Variants in TKT observed in about 807,000 individuals in gnomAD.
The protein encoded by TKT is epididymis luminal protein 107.
Under a neutral mutation model 63.9 loss-of-function variants are expected in TKT, and 47 were observed. The ratio of observed to expected loss-of-function variants is 0.74; its 90% CI spans 0.58 to 0.94. The LOEUF (loss-of-function observed/expected upper bound fraction) is 0.94. TKT is among the 40% of genes least tolerant of loss of function. The pLI is 0.00. For missense variants in TKT, 721 were observed against 846.2 expected (o/e 0.85, Z 1.84); for synonymous variants, 338 against 334.1 (o/e 1.01, Z -0.13).
At chr3:53,228,548 C>A in intron 10 of TKT, 189 bp from the exon 11 acceptor site, 1 of 619,422 alleles carries the variant, frequency 1.6e-6, no homozygotes, top group Non-Finnish European at 2.8e-6. Context: ...GAGAACTGCC[C>A]ACCACCTTGC....
chr3:53,254,501 G>A (rs1220538252), intron 1 of TKT, among the ~76,000 whole-genome samples: 3 of 152,224 alleles, frequency 2.0e-5, no homozygotes, highest in African/African-American at 7.2e-5. Flanking sequence ...ACCCAGAAAG[G>A]TGAACAGATT....
Position 53,233,229 on chromosome 3 carries a change from G to A in TKT, c.675C>T (p.Cys225=). 2 of 1,613,830 alleles carry A rather than the reference G, an allele frequency of 1.2e-6. No individual in the cohort carries two copies. Among genetic ancestry groups the A allele is most frequent in the Non-Finnish European group, 1.7e-6 (2 of 1,179,898 alleles). Residue 225 remains cysteine, a synonymous_variant, in exon 6 of 14, where the codon TGC becomes TGT. Coordinates refer to ENST00000462138, the MANE Select transcript of TKT (RefSeq NM_001064.4). The stretch of plus-strand genomic sequence containing the variant: ...GGTGCTTGGCCTGGCCAAAGGCCTT[G>A]CACAGCTCCTCCACGCTGTGTCCAT... ...IVDGHSVEEL[C]KAFGQAKHQP...
chr3:53,231,200 T>C, intron 7 of TKT, 157 bp downstream of exon 7: 1 of 819,912 alleles, frequency 1.2e-6, no homozygotes, highest in Non-Finnish European at 1.9e-6. Flanking sequence ...ATGTCTGTCA[T>C]TCTGAGGGAA....
rs566754759 is a variant in TKT, at chr3:53,241,254, A to T, written c.226-9T>A. 1 of 1,594,248 alleles carries T rather than the reference A, an allele frequency of 6.3e-7. No individual in the cohort carries two copies. Among genetic ancestry groups the T allele is most frequent in the East Asian group, 2.3e-5 (1 of 43,028 alleles). ...ATGGGAGCTGCATGGCCCTGCCGGG[A>T]GATGGATGGTGGGGTGAGGTCAGGT... is the stretch of plus-strand genomic sequence containing the variant. On this transcript the variant is annotated splice_polypyrimidine_tract_variant and intron_variant, in intron 2 of 13. Coordinates refer to ENST00000462138, the MANE Select transcript of TKT (RefSeq NM_001064.4).
intron 3 of TKT, among the ~76,000 whole-genome samples, chr3:53,240,710 G>A (rs965744899): frequency 3.3e-5 from 5 of 152,180 alleles, no homozygotes; most frequent in Non-Finnish European, 5.9e-5. Context: ...AGTTTTTGTG[G>A]TAATCCATGA....
In TKT at chr3:53,231,865, G is replaced by A. The variant is rs1191357806; in HGVS notation, c.749-315C>T. 4.5e-5 allele frequency: 17 copies of A among 378,658 alleles called. No individual in the cohort carries two copies. In the East Asian group the frequency reaches 7.7e-4, roughly 17 times the overall value. The allele number at this position is 378,658 out of a possible 1,614,324, so 23.5% of individuals were successfully genotyped here. On this transcript the variant is annotated intron_variant, in intron 6 of 13. Transcript: ENST00000462138. ...CACTGCCCCATCCCTTCACCAATGTGTCCATTCTCTTCCTCCCCACAACCC... is the reference window on the plus strand; with the variant it reads ...CACTGCCCCATCCCTTCACCAATGTATCCATTCTCTTCCTCCCCACAACCC...
intron 7 of TKT, 76 bp from the exon 8 acceptor site, chr3:53,230,697 C>T: frequency 6.4e-7 from 1 of 1,559,120 alleles, no homozygotes; most frequent in Non-Finnish European, 8.7e-7. Context: ...GCCCTGCTTT[C>T]AGAGAAGGAT....
intron 1 of TKT, chr3:53,243,633 G>A: frequency 2.2e-6 from 1 of 456,620 alleles, no homozygotes; most frequent in Non-Finnish European, 4.4e-6. Context: ...CTGAAAGAGG[G>A]AGGGGAGGAC....
chr3:53,246,178 G>C (rs1478913511), intron 1 of TKT, among the ~76,000 whole-genome samples: 1 of 152,144 alleles, frequency 6.6e-6, no homozygotes, highest in Non-Finnish European at 1.5e-5. Context: ...TGAGGCAGGA[G>C]AACCACTTGA....
At chr3:53,230,271 T>C (rs887462360) in intron 8 of TKT, among the ~76,000 whole-genome samples, 186 bp downstream of exon 8, 6 of 152,236 alleles carry the variant, frequency 3.9e-5, no homozygotes, top group African/African-American at 1.4e-4. Context: ...CATTTGCACC[T>C]GGGCAGAACC....
At chr3:53,251,768 T>C (rs797028916) in intron 1 of TKT, among the ~76,000 whole-genome samples, 21 of 152,078 alleles carry the variant, frequency 1.4e-4, no homozygotes, top group African/African-American at 4.8e-4. Context: ...AGTTCAAGAC[T>C]GCAGGGAGCC....
chr3:53,230,437 C>T lies in TKT; in HGVS notation c.1107+20G>A, dbSNP rs782130411. The T allele has an allele frequency of 5.0e-6, 8 of 1,614,006 alleles. No homozygotes were observed. The highest frequency in any genetic ancestry group is 5.9e-6 in the Non-Finnish European group (7 of 1,179,986). Reference sequence around the variant, plus strand: ...CCCTCAGCCTTGGGTGGACCTGTCCCTGCCGGCCCCAGCACCTACCATGTT... The same window carrying T: ...CCCTCAGCCTTGGGTGGACCTGTCCTTGCCGGCCCCAGCACCTACCATGTT... On this transcript the variant is annotated intron_variant, in intron 8 of 13. Transcript: ENST00000462138.
At chr3:53,228,816 G>T in intron 10 of TKT, 191 bp downstream of exon 10, 1 of 784,422 alleles carries the variant, frequency 1.3e-6, no homozygotes, top group Non-Finnish European at 2.0e-6. Flanking sequence ...AGTTGACAAT[G>T]TCTGCCACGT....
chr3:53,240,397 G>T, intron 3 of TKT, 49 bp from the exon 4 acceptor site: 1 of 1,561,074 alleles, frequency 6.4e-7, no homozygotes. Context: ...AGGGATCCTG[G>T]TCTCACCCGC....
chr3:53,226,404 G>A (rs1704500171), intron 13 of TKT: 1 of 315,062 alleles, frequency 3.2e-6, no homozygotes, highest in Non-Finnish European at 6.0e-6. Context: ...CCTGCTGTGT[G>A]AAGGACTCAC....
At chr3:53,246,656 C>T in intron 1 of TKT, among the ~76,000 whole-genome samples, 1 of 151,940 alleles carries the variant, frequency 6.6e-6, no homozygotes, top group East Asian at 1.9e-4. Flanking sequence ...AGTTTGAGAC[C>T]AGCTTGACCA....
rs1705072569 is a variant in TKT at position 53,237,270 on chromosome 3, C to T, written c.438-2096G>A. On this transcript the variant is annotated intron_variant, in intron 4 of 13. Coordinates refer to ENST00000462138, the MANE Select transcript of TKT (RefSeq NM_001064.4). ...GAGTGTGGTGGTGCGCGTCTGTAATCCCAGCTACTCGGGAAGCTGAGGCAG... is the reference window on the plus strand; with the variant it reads ...GAGTGTGGTGGTGCGCGTCTGTAATTCCAGCTACTCGGGAAGCTGAGGCAG... 3.9e-5 allele frequency among the ~76,000 whole-genome samples: 6 copies of T among 152,124 alleles called. No homozygotes were observed. The South Asian group carries it at 1.2e-3, about 32-fold the overall frequency.
At chr3:53,230,363 A>G in intron 8 of TKT, 94 bp downstream of exon 8, 1 of 1,524,790 alleles carries the variant, frequency 6.6e-7, no homozygotes. Context: ...GGCCTACAGC[A>G]GGCACCTGGC....
rs567247560 is a variant in TKT, at chr3:53,228,193, C to T, written c.1480-44G>A. On this transcript the variant is annotated intron_variant, in intron 11 of 13. Coordinates refer to ENST00000462138, the MANE Select transcript of TKT (RefSeq NM_001064.4). ...GTGAGTAAGGCTCAGGGCCCTGGGGCAGGGTGTGCCCTGACTGCTGGGAGT... is the reference window on the plus strand; with the variant it reads ...GTGAGTAAGGCTCAGGGCCCTGGGGTAGGGTGTGCCCTGACTGCTGGGAGT... 6 of 1,613,228 alleles carry T rather than the reference C, an allele frequency of 3.7e-6. No individual in the cohort carries two copies. The South Asian group carries it at 6.6e-5, about 18-fold the overall frequency.
Sources: allele counts gnomAD v4.1 joint callset (sites outside exome capture counted in the v4.1 genomes callset), GRCh38; gene constraint gnomAD v4.1.1; transcripts MANE v1.5; gene names NCBI Gene and HGNC (gene_info 2026-07-23, HGNC 2026-07-21).